NIN: variants seen among roughly 807,000 people sequenced by gnomAD.
NIN encodes glycogen synthase kinase 3 beta-interacting protein.
A neutral mutation model predicts 257.6 loss-of-function variants in NIN; 137 were observed. The observed-to-expected ratio is 0.53, with a 90% CI of 0.46 to 0.61. The LOEUF (loss-of-function observed/expected upper bound fraction) is 0.61, where lower values mean the gene tolerates loss of function less well. Ranked by LOEUF, NIN falls within the 20% of genes least tolerant of loss-of-function variation. The pLI is 0.00. For missense variants in NIN, 2,439 were observed against 2,501.2 expected (o/e 0.98, Z 0.53); for synonymous variants, 918 against 919.8 (o/e 1.00, Z 0.04).
At chr14:50,778,829 T>C (rs764831528) in intron 5 of NIN, 25 bp from the exon 6 acceptor site, 2 of 1,613,336 alleles carry the variant, frequency 1.2e-6, no homozygotes, top group South Asian at 2.2e-5. Context: ...AGAAGATTAG[T>C]GTGCTTTAGA....
chr14:50,818,191 T>C (rs906326707), intron 3 of NIN, among the ~76,000 whole-genome samples: 30 of 151,222 alleles, frequency 2.0e-4, no homozygotes, highest in African/African-American at 5.8e-4. Flanking sequence ...GGTGTGTTGG[T>C]GGGCGCCTGT....
chr14:50,778,562 A>T (rs746389232), intron 6 of NIN, among the ~76,000 whole-genome samples: 1 of 152,230 alleles, frequency 6.6e-6, no homozygotes, highest in Non-Finnish European at 1.5e-5. Context: ...GTAAAATTAT[A>T]TATCTTAGTT....
At chr14:50,773,634 T>C (rs1236124968) in intron 7 of NIN, among the ~76,000 whole-genome samples, 2 of 152,250 alleles carry the variant, frequency 1.3e-5, no homozygotes, top group African/African-American at 4.8e-5. Flanking sequence ...ACTTGGGGTT[T>C]AGAACCTTAC....
rs1408905969 is a variant in NIN at position 50,770,480 on chromosome 14, C to T, written c.1342G>A (p.Ala448Thr). 6.2e-7 allele frequency: 1 copy of T among 1,614,202 alleles called. No individual in the cohort carries two copies. Among genetic ancestry groups the T allele is most frequent in the Non-Finnish European group, 8.5e-7 (1 of 1,180,030 alleles). The stretch of plus-strand genomic sequence containing the variant: ...TCAAGTTCTAAACGCTGCTTGCCTG[C>T]CTGCTGCAGGATCTGCTCTCTCTCT... Reference protein sequence around the residue: ...RKEREQILQQAGKQRLELEQE... With the variant: ...RKEREQILQQTGKQRLELEQE... The change falls in exon 12 of 31, where the codon GCA becomes ACA. Residue 448 changes from alanine (A) to threonine (T), a missense_variant. Physicochemically the swap from Ala to Thr is moderately conservative, Grantham distance 58. Transcript: ENST00000530997.
intron 15 of NIN, 102 bp from the exon 16 acceptor site, chr14:50,762,013 G>T (rs954542401): frequency 7.2e-6 from 9 of 1,253,228 alleles, no homozygotes; most frequent in Non-Finnish European, 1.0e-5. Flanking sequence ...ATGATTTTCA[G>T]CCTGAATTAC....
chr14:50,747,431 T>C (rs1467881562), intron 22 of NIN, among the ~76,000 whole-genome samples: 1 of 152,226 alleles, frequency 6.6e-6, no homozygotes, highest in East Asian at 1.9e-4. Context: ...GATTCATTTA[T>C]GATAATAGAA....
intron 4 of NIN, among the ~76,000 whole-genome samples, chr14:50,802,116 G>T (rs952245407): frequency 6.6e-6 from 1 of 152,092 alleles, no homozygotes; most frequent in Non-Finnish European, 1.5e-5. Flanking sequence ...TTAAGTTGTT[G>T]CCCCTCTCCT....
intron 4 of NIN, among the ~76,000 whole-genome samples, chr14:50,801,179 C>T (rs1161437303): frequency 6.6e-6 from 1 of 150,866 alleles, no homozygotes; most frequent in Non-Finnish European, 1.5e-5. Flanking sequence ...CAACCTCTGC[C>T]TTCCAGGTTC....
At position 50,777,039 on chromosome 14, in the gene NIN, T is replaced by C. The variant is rs2042950252; in HGVS notation, c.576A>G (p.Glu192=). The change falls in exon 7 of 31, where the codon GAA becomes GAG. Residue 192 remains glutamate, a synonymous_variant. Coordinates refer to ENST00000530997, the MANE Select transcript of NIN (RefSeq NM_020921.4). Reference sequence around the variant, plus strand: ...GACCATCACGGGTGATCCCCAAATCTTCACAAACTTCTTGCAGTTTCTCTT... The same window carrying C: ...GACCATCACGGGTGATCCCCAAATCCTCACAAACTTCTTGCAGTTTCTCTT... ...WIEEKLQEVC[E]DLGITRDGHL... 6.2e-7 allele frequency: 1 copy of C among 1,614,106 alleles called. No homozygotes were observed. Among genetic ancestry groups the C allele is most frequent in the African/African-American group, 1.3e-5 (1 of 74,934 alleles).
At chr14:50,796,163 A>G (rs2043828789) in intron 4 of NIN, among the ~76,000 whole-genome samples, 1 of 152,154 alleles carries the variant, frequency 6.6e-6, no homozygotes, top group South Asian at 2.1e-4. Flanking sequence ...TGGCATCACT[A>G]CAAAAATTAA....
Position 50,721,435 on chromosome 14 carries a change from G to A in NIN, c.*2028C>T, listed in dbSNP as rs1445291531. On this transcript the variant is annotated 3_prime_UTR_variant, in exon 31 of 31. Coordinates refer to ENST00000530997, the MANE Select transcript of NIN (RefSeq NM_020921.4). ...TCACATGCTAAGGCCAGCTATCTGGGAAATATTATTGTTCAGTTCCAACAG... is the reference window on the plus strand; with the variant it reads ...TCACATGCTAAGGCCAGCTATCTGGAAAATATTATTGTTCAGTTCCAACAG... 4.6e-6 allele frequency: 1 copy of A among 216,616 alleles called. No homozygotes were observed. The highest frequency in any genetic ancestry group is 5.8e-5 in the Admixed American group (1 of 17,208). 13.4% of individuals were successfully genotyped at this position (216,616 alleles called of 1,614,324 possible).
In NIN at chr14:50,729,691, G is replaced by C; in HGVS notation, c.5910C>G (p.Ser1970Arg). The change falls in exon 29 of 31, where the codon AGC becomes AGG. Residue 1970 changes from serine to arginine, a missense_variant. Physicochemically the swap from Ser to Arg is moderately radical, Grantham distance 110. Around this residue, in one of 3 missense-constraint regions of NIN, gnomAD observed 2,043 missense variants for 2,050.2 expected, o/e 1.00. Transcript: ENST00000530997. ...MQHLRSTATP[S>R]PSPHAWDLQL... ...GCAAATCCCAAGCATGAGGGGACGG[G>C]CTAGGCGTCGCAGTGGACCTCAGGT... 6.2e-7 allele frequency: 1 copy of C among 1,611,384 alleles called. No individual in the cohort carries two copies. Among genetic ancestry groups the C allele is most frequent in the Non-Finnish European group, 8.5e-7 (1 of 1,178,734 alleles).
intron 2 of NIN, among the ~76,000 whole-genome samples, chr14:50,828,979 T>C (rs564123206): frequency 9.2e-5 from 14 of 152,358 alleles, no homozygotes; most frequent in African/African-American, 3.1e-4. Context: ...GACTGTATGA[T>C]GGCTTCCTCT....
intron 4 of NIN, among the ~76,000 whole-genome samples, chr14:50,804,882 G>A (rs929915941): frequency 1.1e-4 from 16 of 152,078 alleles, no homozygotes; most frequent in Non-Finnish European, 1.5e-4. Context: ...ATTCAAAACT[G>A]TCCTAGGCCA....
chr14:50,735,111 G>T (rs10148593), intron 28 of NIN, among the ~76,000 whole-genome samples: 1 of 151,908 alleles, frequency 6.6e-6, no homozygotes, highest in Non-Finnish European at 1.5e-5. Flanking sequence ...CAAATTTCCC[G>T]CATGGATTTC....
chr14:50,738,090 C>A, intron 27 of NIN, 50 bp downstream of exon 27: 1 of 1,573,914 alleles, frequency 6.4e-7, no homozygotes, highest in Non-Finnish European at 8.7e-7. Flanking sequence ...CACTTAAGAA[C>A]GCATTATAGT....
intron 4 of NIN, among the ~76,000 whole-genome samples, chr14:50,796,380 C>A (rs967696494): frequency 6.6e-6 from 1 of 152,164 alleles, no homozygotes; most frequent in Non-Finnish European, 1.5e-5. Context: ...TTGCTTCAAC[C>A]CTCCACTGGA....
intron 30 of NIN, chr14:50,724,362 G>T: frequency 4.7e-6 from 1 of 213,954 alleles, no homozygotes; most frequent in Non-Finnish European, 9.5e-6. Context: ...GCATCTAAAA[G>T]TATAAAGGTT....
intron 5 of NIN, among the ~76,000 whole-genome samples, chr14:50,788,025 G>A (rs1304099281): frequency 6.6e-6 from 1 of 151,634 alleles, no homozygotes; most frequent in Non-Finnish European, 1.5e-5. Flanking sequence ...GGAAAAGACT[G>A]GAATTCTGTT....
Sources: gnomAD v4.1 joint callset for allele counts (sites outside exome capture counted in the v4.1 genomes callset) on GRCh38, gnomAD v4.1.1 for gene constraint, gnomAD v4.1.1 regional missense constraint, MANE v1.5 for transcripts, NCBI Gene and HGNC (gene_info 2026-07-23, HGNC 2026-07-21) for gene names.